The following TNIK variants were observed in gnomAD, a reference collection of about 807,000 sequenced individuals.
TNIK encodes TRAF2 and NCK-interacting protein kinase.
Under a neutral mutation model 191.3 loss-of-function variants are expected in TNIK, and 49 were observed. The ratio of observed to expected loss-of-function variants is 0.26; its 90% CI spans 0.20 to 0.32. The LOEUF is 0.32. Among genes scored for constraint, TNIK ranks in the 10% least tolerant of loss-of-function variants. The pLI is 1.00. For synonymous variants in TNIK, 594 were observed against 600.9 expected (o/e 0.99, Z 0.17); for missense variants, 1,155 against 1,702.3 (o/e 0.68, Z 5.66).
At chr3:171,064,777 T>C (rs1718215897) in intron 32 of TNIK, among the ~76,000 whole-genome samples, 1 of 152,200 alleles carries the variant, frequency 6.6e-6, no homozygotes, top group East Asian at 1.9e-4. Flanking sequence ...CTTCAGTCAG[T>C]CAATACCTAA....
At chr3:171,340,826 C>A (rs1230781387) in intron 2 of TNIK, among the ~76,000 whole-genome samples, 1 of 152,028 alleles carries the variant, frequency 6.6e-6, no homozygotes, top group Non-Finnish European at 1.5e-5. Flanking sequence ...GAAACAATCT[C>A]TCAAACTCTT....
chr3:171,273,319 G>A (rs1289311342), intron 2 of TNIK, among the ~76,000 whole-genome samples: 1 of 152,176 alleles, frequency 6.6e-6, no homozygotes. Flanking sequence ...GGCCTTCCTG[G>A]TTCTGGGCTT....
chr3:171,259,633 C>G (rs778530294), intron 2 of TNIK, among the ~76,000 whole-genome samples: 3 of 152,142 alleles, frequency 2.0e-5, no homozygotes, highest in Non-Finnish European at 4.4e-5. Context: ...AAACAAATTG[C>G]CTGGCTAATC....
In TNIK at chr3:171,206,335, G is replaced by GTATATATA. The variant is rs60356829; in HGVS notation, c.306+4773_306+4780dup. ...AATATATGGAGATATATATGTTCGTGTATATATATATATATATATGGAAGA... is the reference window on the plus strand; with the variant it reads ...AATATATGGAGATATATATGTTCGTGTATATATATATATATATATATATATATGGAAGA... On this transcript the variant is annotated intron_variant, in intron 4 of 32. Transcript: ENST00000436636. 2.6e-3 allele frequency among the ~76,000 whole-genome samples: 340 copies of GTATATATA among 133,056 alleles called. 2 individuals are homozygous for GTATATATA. The highest frequency in any genetic ancestry group is 6.7e-3 in the African/African-American group (254 of 38,128). 87.3% of individuals were successfully genotyped at this position (133,056 alleles called of 152,430 possible).
chr3:171,173,493 GAGA>G (rs1735597687), intron 9 of TNIK, among the ~76,000 whole-genome samples: 1 of 152,178 alleles, frequency 6.6e-6, no homozygotes, highest in South Asian at 2.1e-4. Flanking sequence ...GCAGCTGGAG[GAGA>G]AGGACAATCA....
chr3:171,144,972 ATGTAAG>A (rs1368460814), intron 12 of TNIK, among the ~76,000 whole-genome samples: 2 of 152,188 alleles, frequency 1.3e-5, no homozygotes, highest in Non-Finnish European at 2.9e-5. Context: ...ACTTCATTGT[ATGTAAG>A]TACCACATTT....
intron 2 of TNIK, among the ~76,000 whole-genome samples, chr3:171,338,457 T>C (rs916325936): frequency 6.6e-6 from 1 of 152,152 alleles, no homozygotes; most frequent in Non-Finnish European, 1.5e-5. Flanking sequence ...GAATGCTTAC[T>C]ATGTGTGCCA....
chr3:171,437,406 A>G (rs760581547), intron 1 of TNIK, among the ~76,000 whole-genome samples: 6 of 152,224 alleles, frequency 3.9e-5, no homozygotes, highest in Non-Finnish European at 8.8e-5. Context: ...GCCAGTGAGC[A>G]CTCACTAAAG....
At chr3:171,408,468 A>G (rs1721988393) in intron 1 of TNIK, among the ~76,000 whole-genome samples, 1 of 152,212 alleles carries the variant, frequency 6.6e-6, no homozygotes, top group Admixed American at 6.5e-5. Flanking sequence ...TCATTCCGCC[A>G]TGAAGGACTT....
chr3:171,347,008 G>A (rs1712309286), intron 2 of TNIK: 5 of 830,554 alleles, frequency 6.0e-6, no homozygotes, highest in Non-Finnish European at 9.0e-6. Context: ...ATAACATCAA[G>A]GGACAGTCCT....
intron 2 of TNIK, among the ~76,000 whole-genome samples, chr3:171,360,575 A>G (rs1714822867): frequency 6.6e-6 from 1 of 152,198 alleles, no homozygotes; most frequent in Non-Finnish European, 1.5e-5. Context: ...ACAGCTAATG[A>G]GTCTCAAGGC....
intron 3 of TNIK, among the ~76,000 whole-genome samples, chr3:171,218,782 CAT>C (rs1741784408): frequency 7.1e-6 from 1 of 141,242 alleles, no homozygotes; most frequent in African/African-American, 2.6e-5. Context: ...GTATTATATG[CAT>C]ATCATTTACA....
chr3:171,107,980 A>C, intron 20 of TNIK, 85 bp downstream of exon 20: 1 of 1,382,408 alleles, frequency 7.2e-7, no homozygotes, highest in Non-Finnish European at 9.9e-7. Context: ...TTTTGTTTGC[A>C]TCATGAGTGT....
chr3:171,140,326 ACCCACACC>A, intron 13 of TNIK, 65 bp downstream of exon 13: 1 of 1,250,510 alleles, frequency 8.0e-7, no homozygotes, highest in Non-Finnish European at 1.1e-6. Flanking sequence ...AGAAAAGGTG[ACCCACACC>A]CCAGAGAAGG....
intron 12 of TNIK, among the ~76,000 whole-genome samples, chr3:171,154,611 T>C (rs1732929184): frequency 6.6e-6 from 1 of 152,362 alleles, no homozygotes; most frequent in Middle Eastern, 3.4e-3. Context: ...GTAGAAGCCT[T>C]GACCCCTGAA....
intron 2 of TNIK, among the ~76,000 whole-genome samples, chr3:171,338,659 G>GT (rs76315440): frequency 0.016 from 1,995 of 126,746 alleles, 23 homozygotes; most frequent in East Asian, 0.056. Context: ...CAGCTAAGTT[G>GT]TTTTTTTTTT....
intron 30 of TNIK, among the ~76,000 whole-genome samples, chr3:171,068,334 G>T (rs958991225): frequency 6.6e-6 from 1 of 152,298 alleles, no homozygotes; most frequent in Non-Finnish European, 1.5e-5. Flanking sequence ...GAGGATTGGA[G>T]AGGCTGCCTA....
At chr3:171,285,281 A>T (rs1750888917) in intron 2 of TNIK, among the ~76,000 whole-genome samples, 1 of 152,226 alleles carries the variant, frequency 6.6e-6, no homozygotes, top group Non-Finnish European at 1.5e-5. Context: ...TCTACCCAAG[A>T]CTGGAACAAA....
chr3:171,242,559 A>G (rs1745116807), intron 2 of TNIK, among the ~76,000 whole-genome samples: 1 of 151,874 alleles, frequency 6.6e-6, no homozygotes, highest in Non-Finnish European at 1.5e-5. Flanking sequence ...TGTTTGCAAC[A>G]TTAATGGTTT....
Sources: gnomAD v4.1 joint callset for allele counts (sites outside exome capture counted in the v4.1 genomes callset) on GRCh38, gnomAD v4.1.1 for gene constraint, MANE v1.5 for transcripts, NCBI Gene and HGNC (gene_info 2026-07-23, HGNC 2026-07-21) for gene names.